Variants in IGSF11 observed in about 807,000 individuals in gnomAD.
IGSF11 encodes the protein immunoglobulin superfamily member 11.
IGSF11 carries 22 observed loss-of-function variants against 41.0 expected under a neutral mutation model. That is an observed-to-expected ratio of 0.54 (90% CI 0.38 to 0.77). The LOEUF (loss-of-function observed/expected upper bound fraction) is 0.77, where lower values mean the gene tolerates loss of function less well. Among genes scored for constraint, IGSF11 ranks in the 30% least tolerant of loss-of-function variants. IGSF11 has a pLI of 0.00. For synonymous variants in IGSF11, 219 were observed against 201.3 expected (o/e 1.09, Z -0.74); for missense variants, 444 against 530.8 (o/e 0.84, Z 1.61).
chr3:119,020,475 T>C (rs548306606), intron 1 of IGSF11, among the ~76,000 whole-genome samples: 10 of 152,306 alleles, frequency 6.6e-5, no homozygotes, highest in African/African-American at 1.7e-4. Context: ...AGAATGAGAA[T>C]TGAGCAGGAA....
intron 4 of IGSF11, among the ~76,000 whole-genome samples, chr3:118,911,464 C>CCAG (rs1294839606): frequency 3.9e-5 from 6 of 152,024 alleles, no homozygotes; most frequent in Non-Finnish European, 4.4e-5. Flanking sequence ...ACCTATAGTC[C>CCAG]CAGCACTTTG....
At chr3:119,105,330 A>G, upstream of IGSF11, 1 of 590,430 alleles carries the variant, frequency 1.7e-6, no homozygotes, top group Non-Finnish European at 3.0e-6. Context: ...ATTTGGAGCC[A>G]TAACAAAATA....
chr3:118,972,102 CTCAAGTGTATCCTT>C (rs1439644514), intron 1 of IGSF11, among the ~76,000 whole-genome samples: 1 of 152,136 alleles, frequency 6.6e-6, no homozygotes, highest in Non-Finnish European at 1.5e-5. Flanking sequence ...AAAGGAAGAA[CTCAAGTGTATCCTT>C]TCTTTAGGGG....
At chr3:119,047,568 G>C (rs1941415584) in intron 1 of IGSF11, among the ~76,000 whole-genome samples, 1 of 152,148 alleles carries the variant, frequency 6.6e-6, no homozygotes, top group Non-Finnish European at 1.5e-5. Context: ...ACATCACACT[G>C]TCAACATTAG....
chr3:119,019,120 T>G lies in IGSF11; in HGVS notation c.52+15411A>C, dbSNP rs79009418. On this transcript the variant is annotated intron_variant, in intron 1 of 6. Transcript: ENST00000393775. ...ACCATTGCAGTGCAGTTCTTGCAAC[T>G]GCTTATATATTTGCTGCCCTGTTGG... Among the ~76,000 whole-genome samples the G allele has an allele frequency of 2.5e-3, 385 of 152,244 alleles. 2 individuals are homozygous for G. The highest frequency in any genetic ancestry group is 8.9e-3 in the African/African-American group (368 of 41,542).
intron 1 of IGSF11, among the ~76,000 whole-genome samples, chr3:119,085,783 A>AG (rs1246036422): frequency 6.6e-6 from 1 of 152,246 alleles, no homozygotes; most frequent in African/African-American, 2.4e-5. Flanking sequence ...GAGCAAGCTA[A>AG]GGAAAAGATC....
In IGSF11 at chr3:118,988,073, G is replaced by A. The variant is rs573145538; in HGVS notation, c.52+46458C>T. Among the ~76,000 whole-genome samples, 8 of 152,304 alleles carry A rather than the reference G, an allele frequency of 5.3e-5. No homozygotes were observed. The South Asian group carries it at 1.7e-3, about 32-fold the overall frequency. On this transcript the variant is annotated intron_variant, in intron 1 of 6. Transcript: ENST00000393775. ...AAGCAAGGGACAGAGTTCAGCTCAA[G>A]TCAACCAACGTTAATAGGGCATGAA...
intron 1 of IGSF11, among the ~76,000 whole-genome samples, chr3:118,996,803 G>A (rs948417455): frequency 6.6e-6 from 1 of 152,028 alleles, no homozygotes; most frequent in African/African-American, 2.4e-5. Flanking sequence ...GTTTCACCGT[G>A]TAAGCCAGGG....
At chr3:119,010,578 G>A (rs1938001436) in intron 1 of IGSF11, among the ~76,000 whole-genome samples, 1 of 152,162 alleles carries the variant, frequency 6.6e-6, no homozygotes, top group Non-Finnish European at 1.5e-5. Flanking sequence ...ACTCTCTTCT[G>A]TAGCTGGGAC....
intron 3 of IGSF11, 51 bp from the exon 4 acceptor site, chr3:118,926,307 T>G (rs751675453): frequency 1.4e-6 from 2 of 1,426,148 alleles, no homozygotes; most frequent in South Asian, 2.7e-5. Context: ...GTGAGCCATG[T>G]GATGATGGAG....
intron 1 of IGSF11, chr3:118,945,059 A>G (rs1316862993): frequency 6.6e-6 from 1 of 152,232 alleles, no homozygotes; most frequent in Non-Finnish European, 1.5e-5. Flanking sequence ...GTTTTTTGAC[A>G]TCTTTAAGAA....
chr3:118,909,602 G>C lies in IGSF11; in HGVS notation c.581-3884C>G, dbSNP rs1415098592. On this transcript the variant is annotated intron_variant, in intron 4 of 6. Coordinates refer to ENST00000393775, the MANE Select transcript of IGSF11 (RefSeq NM_001015887.3). ...CTGAATTAAGGCATAGATGGAGAAG[G>C]GACAGGGAAAGAACCTGTTCCCATT... 3.9e-5 allele frequency among the ~76,000 whole-genome samples: 6 copies of C among 152,170 alleles called. No homozygotes were observed. In the South Asian group the frequency reaches 1.2e-3, roughly 32 times the overall value.
At chr3:119,132,302 G>T (rs2077492929) in intron 1 of IGSF11, among the ~76,000 whole-genome samples, 1 of 136,566 alleles carries the variant, frequency 7.3e-6, no homozygotes, top group Admixed American at 8.4e-5. Flanking sequence ...ATATTCAGGA[G>T]ACCCATCTCA....
intron 1 of IGSF11, among the ~76,000 whole-genome samples, chr3:118,976,602 C>A (rs1934137197): frequency 6.6e-6 from 1 of 152,184 alleles, no homozygotes; most frequent in South Asian, 2.1e-4. Flanking sequence ...ACCAGGGAGA[C>A]TAGAGATAGA....
At chr3:119,021,815 GA>G (rs1039138434) in intron 1 of IGSF11, among the ~76,000 whole-genome samples, 1 of 151,966 alleles carries the variant, frequency 6.6e-6, no homozygotes, top group African/African-American at 2.4e-5. Flanking sequence ...TAGTAAAAGA[GA>G]AAAAAATTGC....
chr3:119,062,791 C>G (rs1305681408), intron 1 of IGSF11, among the ~76,000 whole-genome samples: 1 of 152,062 alleles, frequency 6.6e-6, no homozygotes, highest in Non-Finnish European at 1.5e-5. Flanking sequence ...CAGCTTGATG[C>G]AAGAATGATA....
At chr3:118,911,737 GAA>G (rs1040494324) in intron 4 of IGSF11, among the ~76,000 whole-genome samples, 3 of 150,868 alleles carry the variant, frequency 2.0e-5, no homozygotes, top group African/African-American at 7.4e-5. Flanking sequence ...GAGAGAGAGA[GAA>G]AGAGAGAGAG....
intron 1 of IGSF11, among the ~76,000 whole-genome samples, chr3:119,127,137 A>G (rs1326111672): frequency 6.6e-6 from 1 of 152,146 alleles, no homozygotes; most frequent in Non-Finnish European, 1.5e-5. Flanking sequence ...CCTTGATAAA[A>G]AGTTAGAGGA....
At chr3:119,057,661 A>C (rs975352531) in intron 1 of IGSF11, among the ~76,000 whole-genome samples, 3 of 152,182 alleles carry the variant, frequency 2.0e-5, no homozygotes, top group Non-Finnish European at 2.9e-5. Flanking sequence ...ACCCGCATTG[A>C]CAAGTCAATC....
Sources: allele counts gnomAD v4.1 joint callset (sites outside exome capture counted in the v4.1 genomes callset), GRCh38; gene constraint gnomAD v4.1.1; transcripts MANE v1.5; gene names NCBI Gene and HGNC (gene_info 2026-07-23, HGNC 2026-07-21).